Variants in KALRN observed in about 807,000 individuals in gnomAD.
KALRN encodes kalirin.
KALRN carries 70 observed loss-of-function variants against 353.7 expected under a neutral mutation model. The observed-to-expected ratio is 0.20, with a 90% CI of 0.16 to 0.24. The LOEUF (loss-of-function observed/expected upper bound fraction) is 0.24. Among genes scored for constraint, KALRN ranks in the 10% least tolerant of loss-of-function variants. The probability of loss-of-function intolerance (pLI) is 1.00; values close to 1 mark genes in which losing one functional copy is unlikely to be tolerated. For missense variants in KALRN, 2,791 were observed against 3,756.7 expected, an observed-to-expected ratio of 0.74 and a Z score of 6.72; for synonymous variants, 1,391 against 1,434.8, an observed-to-expected ratio of 0.97 and a Z score of 0.69.
Position 124,286,082 on chromosome 3 carries a change from C to CCTTCCTTCCTTTCTTTCTTTCTTTCTTT in KALRN, c.970-12706_970-12705insCCTTCCTTTCTTTCTTTCTTTCTTTCTT, listed in dbSNP as rs1553893895. 6.2e-4 allele frequency among the ~76,000 whole-genome samples: 63 copies of CCTTCCTTCCTTTCTTTCTTTCTTTCTTT among 102,252 alleles called. 1 individual carries two copies. The highest frequency in any genetic ancestry group is 4.5e-4 in the Non-Finnish European group (23 of 51,540). 67.1% of individuals were successfully genotyped at this position (102,252 alleles called of 152,430 possible). Reference sequence around the variant, plus strand: ...TGCTGTTTTCTTTCTTTCTTTCCTTCCTTTCTTTCTTTCTTTCTTTCTTTC... The same window carrying CCTTCCTTCCTTTCTTTCTTTCTTTCTTT: ...TGCTGTTTTCTTTCTTTCTTTCCTTCCTTCCTTCCTTTCTTTCTTTCTTTCTTTCTTTCTTTCTTTCTTTCTTTCTTTC... On this transcript the variant is annotated intron_variant, in intron 5 of 59. Coordinates refer to ENST00000682506, the MANE Select transcript of KALRN (RefSeq NM_001388419.1).
chr3:124,619,486 T>C (rs1391893790), intron 34 of KALRN, among the ~76,000 whole-genome samples: 2 of 76,596 alleles, frequency 2.6e-5, no homozygotes, highest in African/African-American at 1.7e-4. Flanking sequence ...TTCCTTCTTT[T>C]TTTTTTTTTT....
intron 27 of KALRN, among the ~76,000 whole-genome samples, chr3:124,481,542 T>C (rs1367239709): frequency 2.0e-5 from 3 of 152,210 alleles, no homozygotes; most frequent in African/African-American, 7.2e-5. Context: ...TGCTTTACCA[T>C]TGAAAAACTT....
chr3:124,212,986 C>T (rs188305131), intron 1 of KALRN, among the ~76,000 whole-genome samples: 62 of 152,092 alleles, frequency 4.1e-4, no homozygotes, highest in African/African-American at 1.2e-3. Context: ...ATTTGATACA[C>T]GTTTCCTAGC....
intron 40 of KALRN, 29 bp from the exon 41 acceptor site, chr3:124,657,705 T>G (rs2084251617): frequency 6.4e-7 from 1 of 1,555,658 alleles, no homozygotes; most frequent in East Asian, 2.2e-5. Context: ...TAATGTGGCT[T>G]CCTTCTCTTA....
intron 46 of KALRN, 29 bp downstream of exon 46, chr3:124,666,663 G>T (rs1406720716): frequency 6.3e-7 from 1 of 1,588,478 alleles, no homozygotes; most frequent in African/African-American, 1.3e-5. Flanking sequence ...ATGAGAAGAG[G>T]CAAGGAAGAG....
At chr3:124,665,071 C>T (rs983777652) in intron 45 of KALRN, among the ~76,000 whole-genome samples, 8 of 152,186 alleles carry the variant, frequency 5.3e-5, no homozygotes, top group Non-Finnish European at 1.0e-4. Context: ...AGGCAGAGGG[C>T]AGGCACTTCT....
chr3:124,328,998 G>A (rs1410049043), intron 7 of KALRN, among the ~76,000 whole-genome samples: 1 of 152,154 alleles, frequency 6.6e-6, no homozygotes, highest in African/African-American at 2.4e-5. Flanking sequence ...GGATAAAGAG[G>A]TCTTTAGGCA....
At chr3:124,561,148 C>T (rs558552076) in intron 33 of KALRN, among the ~76,000 whole-genome samples, 13 of 152,272 alleles carry the variant, frequency 8.5e-5, no homozygotes, top group African/African-American at 3.1e-4. Flanking sequence ...TGTAAAAGTA[C>T]TCTAGAGATT....
chr3:124,220,605 T>G (rs1350913418), intron 1 of KALRN, among the ~76,000 whole-genome samples: 1 of 152,196 alleles, frequency 6.6e-6, no homozygotes, highest in East Asian at 1.9e-4. Context: ...ACTAACAGTG[T>G]CTTCTCCTAA....
intron 10 of KALRN, among the ~76,000 whole-genome samples, chr3:124,377,532 G>A (rs1240709888): frequency 6.6e-6 from 1 of 152,216 alleles, no homozygotes; most frequent in South Asian, 2.1e-4. Flanking sequence ...CTGTTGGGGT[G>A]GGGGTGGAGT....
At chr3:124,642,806 G>GTTGTTTTTTTGTTGTTGTTTTTTTTT (rs796628603) in intron 37 of KALRN, among the ~76,000 whole-genome samples, 1 of 96,840 alleles carries the variant, frequency 1.0e-5, no homozygotes, top group African/African-American at 4.5e-5. Flanking sequence ...CCCAAGCCTC[G>GTTGTTTTTTTGTTGTTGTTTTTTTTT]TTTTTTTTTT....
At chr3:124,053,643 C>T (rs946455441) in intron 1 of KALRN, among the ~76,000 whole-genome samples, 4 of 152,160 alleles carry the variant, frequency 2.6e-5, no homozygotes, top group Non-Finnish European at 4.4e-5. Flanking sequence ...GAGTGACTGA[C>T]GGTTGGACAG....
intron 33 of KALRN, among the ~76,000 whole-genome samples, chr3:124,508,335 G>A (rs1368195693): frequency 1.3e-5 from 2 of 152,090 alleles, no homozygotes; most frequent in African/African-American, 4.8e-5. Flanking sequence ...GCATAATAGT[G>A]TCTTTACTTT....
At chr3:124,212,860 A>G (rs1179508648) in intron 1 of KALRN, among the ~76,000 whole-genome samples, 2 of 151,984 alleles carry the variant, frequency 1.3e-5, no homozygotes, top group African/African-American at 4.8e-5. Context: ...CTTTATTACT[A>G]ATTAAGTGGA....
At chr3:124,614,362 G>A (rs982295737) in intron 34 of KALRN, among the ~76,000 whole-genome samples, 3 of 151,258 alleles carry the variant, frequency 2.0e-5, no homozygotes, top group South Asian at 2.1e-4. Context: ...TCGACCTTCC[G>A]GGCTCAATCA....
chr3:124,366,367 G>A (rs2084690721), intron 10 of KALRN, among the ~76,000 whole-genome samples: 1 of 147,660 alleles, frequency 6.8e-6, no homozygotes, highest in African/African-American at 2.5e-5. Flanking sequence ...CGCAGTGTTT[G>A]TGTCCCTGAT....
At chr3:124,550,942 T>C (rs992348391) in intron 33 of KALRN, among the ~76,000 whole-genome samples, 29 of 152,066 alleles carry the variant, frequency 1.9e-4, no homozygotes, top group African/African-American at 7.0e-4. Context: ...TGAGCCGAGA[T>C]CGCACCACTG....
chr3:124,645,987 A>AT (rs1295438622), intron 37 of KALRN, among the ~76,000 whole-genome samples: 6 of 151,670 alleles, frequency 4.0e-5, no homozygotes, highest in African/African-American at 1.5e-4. Context: ...TTTCATTTTT[A>AT]TTTTTATTTT....
chr3:124,719,384 A>G lies in KALRN; in HGVS notation c.8875A>G (p.Ile2959Val), dbSNP rs2063304007. The G allele has an allele frequency of 1.9e-6, 3 of 1,614,204 alleles. No individual in the cohort carries two copies. Among genetic ancestry groups the G allele is most frequent in the Non-Finnish European group, 2.5e-6 (3 of 1,180,048 alleles). Residue 2959 changes from isoleucine to valine, a missense_variant, in exon 60 of 60, where the codon ATA becomes GTA. Ile to Val is a conservative substitution (Grantham distance 29). Transcript: ENST00000682506. The surrounding 1 kb of genome is among the most constrained non-coding windows in gnomAD (Gnocchi z 5.3). ...PLDTSRLACFIERRKHQNDVR... is the reference protein window; with the variant it reads ...PLDTSRLACFVERRKHQNDVR... ...GGACACCTCCCGCCTAGCATGCTTCATAGAACGTCGCAAGCACCAGAATGA... is the reference window on the plus strand; with the variant it reads ...GGACACCTCCCGCCTAGCATGCTTCGTAGAACGTCGCAAGCACCAGAATGA...
Sources: allele counts gnomAD v4.1 joint callset (sites outside exome capture counted in the v4.1 genomes callset), GRCh38; gene constraint gnomAD v4.1.1; non-coding constraint Gnocchi (gnomAD v3.1); transcripts MANE v1.5; gene names NCBI Gene and HGNC (gene_info 2026-07-23, HGNC 2026-07-21).